The following MGAT4C variants were observed in gnomAD, a reference collection of about 807,000 sequenced individuals.
The protein encoded by MGAT4C is alpha-1,3-mannosyl-glycoprotein 4-beta-N-acetylglucosaminyltransferase C.
MGAT4C carries 19 observed loss-of-function variants against 40.1 expected under a neutral mutation model. That is an observed-to-expected ratio of 0.47 (90% CI 0.33 to 0.70). MGAT4C has a LOEUF of 0.70. Ranked by LOEUF, MGAT4C falls within the 30% of genes least tolerant of loss-of-function variation. The pLI, the probability that MGAT4C is intolerant of heterozygous loss-of-function variation, is 0.02. For synonymous variants in MGAT4C, 181 were observed against 187.1 expected (o/e 0.97, Z 0.27); for missense variants, 491 against 563.2 (o/e 0.87, Z 1.30).
chr12:86,447,556 A>T (rs912163153), intron 2 of MGAT4C, among the ~76,000 whole-genome samples: 1 of 152,034 alleles, frequency 6.6e-6, no homozygotes, highest in Non-Finnish European at 1.5e-5. Context: ...GTTTTTTTTT[A>T]ACTTTTTTTT....
intron 1 of MGAT4C, among the ~76,000 whole-genome samples, chr12:86,762,191 G>A (rs1026504219): frequency 2.6e-5 from 4 of 151,800 alleles, no homozygotes; most frequent in Admixed American, 2.0e-4. Flanking sequence ...AGCTGGGACT[G>A]CAGGTATAAG....
rs1883064398 is a variant in MGAT4C, at chr12:85,960,639, C to T, written c.*18650G>A. The T allele has an allele frequency of 6.6e-6, 1 of 151,904 alleles. No individual in the cohort carries two copies. The allele number at this position is 151,904 out of a possible 1,614,324, so 9.4% of individuals were successfully genotyped here. ...ATAGAATGGGTTGCATTATCCTCTCCTTGGAAATATCTTTCAAAGTGGGTA... is the reference window on the plus strand; with the variant it reads ...ATAGAATGGGTTGCATTATCCTCTCTTTGGAAATATCTTTCAAAGTGGGTA... On this transcript the variant is annotated 3_prime_UTR_variant, in exon 5 of 5. Coordinates refer to ENST00000611864, the MANE Select transcript of MGAT4C (RefSeq NM_001351288.2).
intron 2 of MGAT4C, among the ~76,000 whole-genome samples, chr12:86,645,735 TC>T (rs2136527853): frequency 6.6e-6 from 1 of 151,910 alleles, no homozygotes; most frequent in South Asian, 2.1e-4. Flanking sequence ...TACATTTCAT[TC>T]TTCTTGACAG....
intron 2 of MGAT4C, among the ~76,000 whole-genome samples, chr12:86,519,246 A>G (rs1054922752): frequency 3.9e-5 from 6 of 152,196 alleles, no homozygotes; most frequent in Non-Finnish European, 8.8e-5. Context: ...TTTCTTTTCT[A>G]ATGATTGAAT....
At chr12:86,204,648 G>A (rs375246028) in intron 1 of MGAT4C, among the ~76,000 whole-genome samples, 13 of 152,072 alleles carry the variant, frequency 8.5e-5, no homozygotes, top group African/African-American at 3.1e-4. Context: ...TCTATATTCT[G>A]AGTTACTTTA....
chr12:86,638,013 T>TA (rs1963271953), intron 2 of MGAT4C, among the ~76,000 whole-genome samples: 1 of 151,966 alleles, frequency 6.6e-6, no homozygotes, highest in African/African-American at 2.4e-5. Context: ...TTAGACCCTG[T>TA]ACGCAGACTT....
At chr12:86,027,868 C>T in intron 2 of MGAT4C, among the ~76,000 whole-genome samples, 1 of 151,740 alleles carries the variant, frequency 6.6e-6, no homozygotes, top group East Asian at 1.9e-4. Context: ...CAGTGATGAT[C>T]CATCATTTCA....
chr12:86,343,821 GAAGTT>G, intron 3 of MGAT4C, among the ~76,000 whole-genome samples: 1 of 152,112 alleles, frequency 6.6e-6, no homozygotes, highest in East Asian at 1.9e-4. Context: ...AAAAACTATT[GAAGTT>G]AAGCCATAGC....
At chr12:86,403,590 CTATTAGAAATTAGGA>C (rs1956410874) in intron 3 of MGAT4C, among the ~76,000 whole-genome samples, 1 of 151,998 alleles carries the variant, frequency 6.6e-6, no homozygotes, top group South Asian at 2.1e-4. Context: ...TTATATGCCT[CTATTAGAAATTAGGA>C]TCATTTTAAG....
intron 2 of MGAT4C, among the ~76,000 whole-genome samples, chr12:86,507,031 T>C (rs2136342149): frequency 6.6e-6 from 1 of 152,214 alleles, no homozygotes; most frequent in South Asian, 2.1e-4. Context: ...CAAAGAAAAA[T>C]GAGGCTATCT....
At position 86,587,791 on chromosome 12, in the gene MGAT4C, T is replaced by A. The variant is rs540885161; in HGVS notation, c.-229+139418A>T. Among the ~76,000 whole-genome samples, 378 of 151,434 alleles carry A rather than the reference T, an allele frequency of 2.5e-3. 1 individual carries two copies. Among genetic ancestry groups the A allele is most frequent in the African/African-American group, 9.0e-3 (371 of 41,390 alleles). On this transcript the variant is annotated intron_variant, in intron 2 of 7. Coordinates refer to the MGAT4C transcript ENST00000548651. Reference sequence around the variant, plus strand: ...TAAGAATGCTTGTGGTTTTTGTACATTGATTTTGTATCCTGAGACTTTGCT... The same window carrying A: ...TAAGAATGCTTGTGGTTTTTGTACAATGATTTTGTATCCTGAGACTTTGCT...
intron 1 of MGAT4C, among the ~76,000 whole-genome samples, chr12:86,749,543 T>C (rs919460952): frequency 1.3e-5 from 2 of 151,730 alleles, no homozygotes. Flanking sequence ...AAACAATGTA[T>C]CAGATTTTAA....
chr12:86,661,791 T>C (rs1963986025), intron 2 of MGAT4C, among the ~76,000 whole-genome samples: 1 of 151,906 alleles, frequency 6.6e-6, no homozygotes, highest in African/African-American at 2.4e-5. Flanking sequence ...ATGCAAAAAT[T>C]AGCCGGGCGT....
intron 4 of MGAT4C, among the ~76,000 whole-genome samples, chr12:86,325,940 A>G (rs892270705): frequency 5.3e-5 from 8 of 151,984 alleles, no homozygotes; most frequent in Non-Finnish European, 1.0e-4. Context: ...TTTTTATTCT[A>G]TTTATTTTAT....
At chr12:86,484,689 A>G (rs1195142262) in intron 2 of MGAT4C, among the ~76,000 whole-genome samples, 1 of 152,164 alleles carries the variant, frequency 6.6e-6, no homozygotes, top group African/African-American at 2.4e-5. Flanking sequence ...TGTGGCTCCA[A>G]TCACAGGGCT....
chr12:86,773,092 G>T (rs564757008), intron 1 of MGAT4C, among the ~76,000 whole-genome samples: 1 of 152,162 alleles, frequency 6.6e-6, no homozygotes, highest in East Asian at 1.9e-4. Flanking sequence ...TTCATATATT[G>T]CAGGCTTAAT....
intron 1 of MGAT4C, among the ~76,000 whole-genome samples, chr12:86,089,053 G>A (rs1182855352): frequency 6.6e-6 from 1 of 152,006 alleles, no homozygotes; most frequent in East Asian, 1.9e-4. Flanking sequence ...TATAGTAAAA[G>A]AGATTTAATA....
chr12:86,628,122 G>A (rs536985490), intron 2 of MGAT4C, among the ~76,000 whole-genome samples: 9 of 152,126 alleles, frequency 5.9e-5, no homozygotes, highest in South Asian at 2.1e-4. Flanking sequence ...TAGCTGATTC[G>A]ATCAAGTGGA....
chr12:86,025,078 A>C (rs1890127254), intron 2 of MGAT4C, among the ~76,000 whole-genome samples: 1 of 151,604 alleles, frequency 6.6e-6, no homozygotes, highest in South Asian at 2.1e-4. Context: ...GATTTTTATA[A>C]ATAAATAACT....
Sources: gnomAD v4.1 joint callset for allele counts (sites outside exome capture counted in the v4.1 genomes callset) on GRCh38, gnomAD v4.1.1 for gene constraint, MANE v1.5 for transcripts, NCBI Gene and HGNC (gene_info 2026-07-23, HGNC 2026-07-21) for gene names.